The following WDPCP variants were observed in gnomAD, a reference collection of about 807,000 sequenced individuals.
WDPCP encodes WD repeat-containing and planar cell polarity effector protein fritz homolog.
In WDPCP, 71 loss-of-function variants were observed where a neutral mutation model predicts 93.1. The observed-to-expected ratio is 0.76, with a 90% CI of 0.63 to 0.93. The LOEUF (loss-of-function observed/expected upper bound fraction) is 0.93. Ranked by LOEUF, WDPCP falls within the 40% of genes least tolerant of loss-of-function variation. The pLI is 0.00. For missense variants in WDPCP, 844 were observed against 887.4 expected (o/e 0.95, Z 0.62); for synonymous variants, 315 against 315.0 (o/e 1.00, Z 0.00).
At position 63,613,006 on chromosome 2, in the gene WDPCP, G is replaced by A. The variant is rs1355893980; in HGVS notation, n.488+37653C>T. Reference sequence around the variant, plus strand: ...GCCTCAAGTGACACCTTCCAGCCCCGTCTTTGACTATTATTCCCTGTACCT... The same window carrying A: ...GCCTCAAGTGACACCTTCCAGCCCCATCTTTGACTATTATTCCCTGTACCT... On this transcript the variant is annotated intron_variant and non_coding_transcript_variant, in intron 3 of 4. Transcript: ENST00000467687. Among the ~76,000 whole-genome samples, 16 of 148,374 alleles carry A rather than the reference G, an allele frequency of 1.1e-4. No individual in the cohort carries two copies. The South Asian group carries it at 1.5e-3, about 14-fold the overall frequency.
At chr2:63,341,975 T>A (rs1558494969) in intron 12 of WDPCP, among the ~76,000 whole-genome samples, 1 of 152,198 alleles carries the variant, frequency 6.6e-6, no homozygotes, top group Admixed American at 6.5e-5. Flanking sequence ...ATCATGTTAT[T>A]TAATCCAGTG....
chr2:63,767,573 G>A (rs962013466), intron 2 of WDPCP, among the ~76,000 whole-genome samples: 3 of 152,008 alleles, frequency 2.0e-5, no homozygotes, highest in African/African-American at 7.2e-5. Flanking sequence ...GTTTTAATTT[G>A]CATTCTGTAA....
At chr2:63,176,718 G>A (rs1332360178) in intron 14 of WDPCP, among the ~76,000 whole-genome samples, 1 of 152,094 alleles carries the variant, frequency 6.6e-6, no homozygotes, top group Non-Finnish European at 1.5e-5. Context: ...GTACTTTATT[G>A]TGTCCTTTAA....
chr2:63,580,059 T>C (rs1708396855), intron 1 of WDPCP, among the ~76,000 whole-genome samples: 1 of 152,166 alleles, frequency 6.6e-6, no homozygotes, highest in Non-Finnish European at 1.5e-5. Context: ...CAGAAGCCAA[T>C]GCCACACTCT....
At chr2:63,389,999 T>G (rs544252817) in intron 10 of WDPCP, among the ~76,000 whole-genome samples, 5 of 152,164 alleles carry the variant, frequency 3.3e-5, no homozygotes, top group African/African-American at 1.2e-4. Context: ...AGATAGAAGG[T>G]TAACAAGGAT....
chr2:63,659,550 G>C (rs543169403), intron 2 of WDPCP, among the ~76,000 whole-genome samples: 14 of 152,252 alleles, frequency 9.2e-5, no homozygotes, highest in African/African-American at 3.4e-4. Context: ...TTAGAGTATT[G>C]CAGCTACAAA....
At chr2:63,297,282 G>A (rs986858650) in intron 13 of WDPCP, among the ~76,000 whole-genome samples, 3 of 152,264 alleles carry the variant, frequency 2.0e-5, no homozygotes, top group Middle Eastern at 3.4e-3. Context: ...CATTCCAAGG[G>A]GTGGGCTGGG....
chr2:63,279,719 A>T (rs11691166), intron 13 of WDPCP, among the ~76,000 whole-genome samples: 123,500 of 152,066 alleles, frequency 0.81, 50,900 homozygotes, highest in East Asian at 0.96. Flanking sequence ...CCTTAAAGAC[A>T]CTCCAAAAAG....
chr2:63,272,290 C>T (rs1217084466), intron 13 of WDPCP, among the ~76,000 whole-genome samples: 17 of 152,122 alleles, frequency 1.1e-4, no homozygotes, highest in Admixed American at 1.1e-3. Context: ...TATGCCCAAC[C>T]AGAATCAAAG....
At chr2:63,211,522 G>A (rs1379265753) in intron 14 of WDPCP, among the ~76,000 whole-genome samples, 2 of 152,194 alleles carry the variant, frequency 1.3e-5, no homozygotes, top group South Asian at 2.1e-4. Context: ...AACCAGAGCA[G>A]AAAAGCTGAA....
At chr2:63,248,899 T>C (rs1161761531) in intron 14 of WDPCP, among the ~76,000 whole-genome samples, 1 of 151,968 alleles carries the variant, frequency 6.6e-6, no homozygotes, top group East Asian at 1.9e-4. Context: ...GATATTTTCA[T>C]TTTGTTCTTA....
intron 2 of WDPCP, among the ~76,000 whole-genome samples, chr2:63,736,656 C>T (rs76118659): frequency 0.017 from 2,581 of 152,218 alleles, 25 homozygotes; most frequent in African/African-American, 0.019. Context: ...GAGTGGCTAT[C>T]TCCAAAGTTA....
intron 13 of WDPCP, among the ~76,000 whole-genome samples, chr2:63,281,255 G>A (rs1339988772): frequency 2.0e-5 from 3 of 152,142 alleles, no homozygotes; most frequent in Admixed American, 2.0e-4. Flanking sequence ...AATTATCAGG[G>A]TAACGCAAAT....
At chr2:63,559,985 C>T (rs1448731098) in intron 1 of WDPCP, among the ~76,000 whole-genome samples, 1 of 152,138 alleles carries the variant, frequency 6.6e-6, no homozygotes, top group Non-Finnish European at 1.5e-5. Context: ...AATCACAGCA[C>T]TTTGGGAGGC....
At chr2:63,787,608 T>C (rs1429814520) in intron 2 of WDPCP, among the ~76,000 whole-genome samples, 6 of 152,210 alleles carry the variant, frequency 3.9e-5, no homozygotes, top group Admixed American at 3.9e-4. Flanking sequence ...TTAAAACATA[T>C]ATCATGGAGC....
At chr2:63,163,301 T>A (rs1222803133) in intron 15 of WDPCP, among the ~76,000 whole-genome samples, 1 of 152,192 alleles carries the variant, frequency 6.6e-6, no homozygotes, top group Non-Finnish European at 1.5e-5. Flanking sequence ...CTTTCATTTT[T>A]ATGTTTTAAA....
At chr2:63,358,101 A>G (rs1690156403) in intron 12 of WDPCP, among the ~76,000 whole-genome samples, 1 of 152,106 alleles carries the variant, frequency 6.6e-6, no homozygotes, top group Non-Finnish European at 1.5e-5. Context: ...AGGTGGGAGG[A>G]AGGAGAGGAG....
chr2:63,768,489 T>A (rs1670180043), intron 2 of WDPCP, among the ~76,000 whole-genome samples: 1 of 152,056 alleles, frequency 6.6e-6, no homozygotes. Context: ...ATAATTGATG[T>A]CTTAAAAATA....
intron 1 of WDPCP, among the ~76,000 whole-genome samples, chr2:63,543,766 G>A (rs1027763188): frequency 6.6e-6 from 1 of 151,990 alleles, no homozygotes; most frequent in Non-Finnish European, 1.5e-5. Flanking sequence ...TACTCGATGA[G>A]ATATAATATT....
Sources: gnomAD v4.1 joint callset for allele counts (sites outside exome capture counted in the v4.1 genomes callset) on GRCh38, gnomAD v4.1.1 for gene constraint, MANE v1.5 for transcripts, NCBI Gene and HGNC (gene_info 2026-07-23, HGNC 2026-07-21) for gene names.